Variants in GYPB observed in about 807,000 individuals in gnomAD.
GYPB encodes the protein glycophorin-B.
GYPB carries 13 observed loss-of-function variants against 15.3 expected under a neutral mutation model. The observed-to-expected ratio is 0.85, with a 90% CI of 0.55 to 1.35. GYPB has a LOEUF of 1.35. Among genes scored for constraint, GYPB ranks in the 40% most tolerant of loss-of-function variants. The probability of loss-of-function intolerance (pLI) is 0.00; values close to 1 mark genes in which losing one functional copy is unlikely to be tolerated. For synonymous variants in GYPB, 38 were observed against 36.9 expected, an observed-to-expected ratio of 1.03 and a Z score of -0.11; for missense variants, 131 against 108.3, an observed-to-expected ratio of 1.21 and a Z score of -0.93.
At chr4:143,996,999 G>C (rs4298094) in intron 4 of GYPB, among the ~76,000 whole-genome samples, 104,495 of 150,176 alleles carry the variant, frequency 0.7, 37,128 homozygotes, top group East Asian at 0.96. Flanking sequence ...CTTGATTTCC[G>C]AGGCTCAAGC....
intron 1 of GYPB, among the ~76,000 whole-genome samples, chr4:144,006,552 T>A (rs1462533964): frequency 4.6e-5 from 7 of 152,002 alleles, no homozygotes; most frequent in Non-Finnish European, 2.9e-5. Flanking sequence ...TGTGATATTG[T>A]ATAAGTACCC....
Position 144,018,482 on chromosome 4 carries a change from C to G in GYPB, c.37+769G>C, listed in dbSNP as rs552623266. Among the ~76,000 whole-genome samples, 212 of 151,200 alleles carry G rather than the reference C, an allele frequency of 1.4e-3. 3 individuals carry two copies. The highest frequency in any genetic ancestry group is 2.8e-3 in the African/African-American group (112 of 40,624). On this transcript the variant is annotated intron_variant, in intron 1 of 4. Coordinates refer to ENST00000502664, the MANE Select transcript of GYPB (RefSeq NM_002100.6). Reference sequence around the variant, plus strand: ...GAATGTTTCAAGCAACTGCCTGCCCCCTGTGTGCTGGGCACTAGTATTGCT... The same window carrying G: ...GAATGTTTCAAGCAACTGCCTGCCCGCTGTGTGCTGGGCACTAGTATTGCT...
chr4:144,001,772 A>G (rs1206826967), intron 1 of GYPB, among the ~76,000 whole-genome samples: 1 of 151,162 alleles, frequency 6.6e-6, no homozygotes, highest in African/African-American at 2.5e-5. Context: ...GTGGAAGCTC[A>G]TAATAATTAT....
At chr4:144,014,367 A>T (rs1728382586) in intron 1 of GYPB, among the ~76,000 whole-genome samples, 1 of 151,822 alleles carries the variant, frequency 6.6e-6, no homozygotes, top group Non-Finnish European at 1.5e-5. Flanking sequence ...TGGATCGATA[A>T]GCAAAATGTG....
rs146040614 is a variant in GYPB, at chr4:144,017,708, C to T, written c.37+1543G>A. Among the ~76,000 whole-genome samples the T allele has an allele frequency of 2.4e-3, 365 of 151,492 alleles. 18 individuals are homozygous for T. The highest frequency in any genetic ancestry group is 8.6e-3 in the African/African-American group (351 of 40,838). ...TTTTCCCAAATGCTGGGCACACCCC[C>T]AGTAGAGTACGCAGTGTCTAATTTT... On this transcript the variant is annotated intron_variant, in intron 1 of 4. Transcript: ENST00000502664.
chr4:143,997,189 ATATAT>A (rs1308893007), intron 4 of GYPB: 15 of 167,830 alleles, frequency 8.9e-5, no homozygotes, highest in Non-Finnish European at 1.8e-4. Context: ...ACATATGTAA[ATATAT>A]TATTTTAAAT....
chr4:144,005,622 T>C lies in GYPB; in HGVS notation c.38-4339A>G, dbSNP rs1172287543. 2.0e-5 allele frequency among the ~76,000 whole-genome samples: 3 copies of C among 151,746 alleles called. No individual in the cohort carries two copies. In the East Asian group the frequency reaches 5.8e-4, roughly 29 times the overall value. ...TCAGTTTCTTAACCCCTTCACATCT[T>C]CTGGCAGGAACACATCCAGTCTCTA... On this transcript the variant is annotated intron_variant, in intron 1 of 4. Transcript: ENST00000502664.
chr4:144,013,442 T>A (rs1018537555), intron 1 of GYPB, among the ~76,000 whole-genome samples: 5 of 151,314 alleles, frequency 3.3e-5, no homozygotes, highest in Admixed American at 2.0e-4. Flanking sequence ...GGACCATAAA[T>A]CATGCTGCTA....
At chr4:144,009,902 T>A (rs1334000097) in intron 1 of GYPB, among the ~76,000 whole-genome samples, 2 of 150,746 alleles carry the variant, frequency 1.3e-5, no homozygotes, top group African/African-American at 5.0e-5. Flanking sequence ...CTTGGACCAC[T>A]GTACCCGGCC....
Position 144,019,303 on chromosome 4 carries a change from T to A in GYPB, c.-16A>T. 6.2e-7 allele frequency: 1 copy of A among 1,611,942 alleles called. No homozygotes were observed. The highest frequency in any genetic ancestry group is 8.5e-7 in the Non-Finnish European group (1 of 1,179,448). ...TTCCATACATCCTGAGATCATGAGC[T>A]GGTTCCTGAAGTTAGTGCAAAAAAA... On this transcript the variant is annotated 5_prime_UTR_variant, in exon 1 of 5. Transcript: ENST00000502664.
chr4:144,007,347 C>T (rs1458346369), intron 1 of GYPB, among the ~76,000 whole-genome samples: 4 of 151,940 alleles, frequency 2.6e-5, no homozygotes, highest in Non-Finnish European at 4.4e-5. Flanking sequence ...TTCAGACTGG[C>T]GTGCTTTGGC....
intron 1 of GYPB, among the ~76,000 whole-genome samples, chr4:144,006,503 T>A (rs1435675370): frequency 1.3e-5 from 2 of 151,988 alleles, no homozygotes; most frequent in Non-Finnish European, 2.9e-5. Context: ...TAATTGACAT[T>A]TCTAACCTGG....
chr4:144,002,735 C>G (rs1579052956), intron 1 of GYPB: 1 of 1,273,644 alleles, frequency 7.9e-7, no homozygotes, highest in East Asian at 5.6e-5. Flanking sequence ...TTCTCTGACA[C>G]CTCTCATTAG....
At chr4:144,009,823 C>G (rs1331559522) in intron 1 of GYPB, among the ~76,000 whole-genome samples, 7 of 150,552 alleles carry the variant, frequency 4.6e-5, no homozygotes, top group African/African-American at 1.7e-4. Flanking sequence ...CTGTGTTAGC[C>G]AGGACGATCT....
At chr4:144,013,701 TA>T (rs1343069876) in intron 1 of GYPB, among the ~76,000 whole-genome samples, 1 of 138,570 alleles carries the variant, frequency 7.2e-6, no homozygotes, top group Non-Finnish European at 1.5e-5. Flanking sequence ...TTCTCACTCA[TA>T]GGTGGGAATT....
chr4:144,001,956 G>A (rs1373532469), intron 1 of GYPB, among the ~76,000 whole-genome samples: 12 of 101,886 alleles, frequency 1.2e-4, no homozygotes, highest in African/African-American at 4.5e-4. Context: ...GCGACAGAAC[G>A]AGATTCCGTT....
rs562463323 is a variant in GYPB at position 143,996,420 on chromosome 4, A to C, written c.271-116T>G. The C allele has an allele frequency of 4.6e-6, 7 of 1,525,654 alleles. No individual in the cohort carries two copies. The South Asian group carries it at 8.4e-5, about 18-fold the overall frequency. The allele number at this position is 1,525,654 out of a possible 1,614,324, so 94.5% of individuals were successfully genotyped here. ...TCCTTCACAGGCTGTAGCCAATTGG[A>C]GGCTTCTAAAGGGTACCTAGGGGTG... On this transcript the variant is annotated intron_variant, in intron 4 of 4. Transcript: ENST00000502664.
chr4:143,997,972 C>A (rs4835127), intron 3 of GYPB, among the ~76,000 whole-genome samples: 104,826 of 150,632 alleles, frequency 0.7, 37,243 homozygotes, highest in East Asian at 0.95. Flanking sequence ...GGGAAAAAAA[C>A]CCACAAATTC....
At chr4:144,017,330 T>C (rs540680280) in intron 1 of GYPB, among the ~76,000 whole-genome samples, 1 of 146,776 alleles carries the variant, frequency 6.8e-6, no homozygotes, top group Non-Finnish European at 1.5e-5. Context: ...TCGTCTTTTT[T>C]TCATAGCAAA....
Sources: gnomAD v4.1 joint callset for allele counts (sites outside exome capture counted in the v4.1 genomes callset) on GRCh38, gnomAD v4.1.1 for gene constraint, MANE v1.5 for transcripts, NCBI Gene and HGNC (gene_info 2026-07-23, HGNC 2026-07-21) for gene names.